ABCA5: variants seen among roughly 807,000 people sequenced by gnomAD.
ABCA5 encodes the protein ATP binding cassette subfamily A member 5.
In ABCA5, 163 loss-of-function variants were observed where a neutral mutation model predicts 206.0. That is an observed-to-expected ratio of 0.79 (90% CI 0.70 to 0.90). The LOEUF (loss-of-function observed/expected upper bound fraction) is 0.90. Ranked by LOEUF, ABCA5 falls within the 40% of genes least tolerant of loss-of-function variation. The pLI is 0.00. For missense variants in ABCA5, 1,859 were observed against 1,912.9 expected (o/e 0.97, Z 0.53); for synonymous variants, 609 against 613.8 (o/e 0.99, Z 0.11).
chr17:69,291,452 A>G (rs2075525706), intron 11 of ABCA5, 126 bp from the exon 12 acceptor site: 1 of 494,148 alleles, frequency 2.0e-6, no homozygotes, highest in African/African-American at 2.0e-5. Flanking sequence ...AGTTACCAGC[A>G]TATTTGATAG....
rs768940238 is a variant in ABCA5 at position 69,250,448 on chromosome 17, T to C, written c.4685+24A>G. 4.4e-6 allele frequency: 7 copies of C among 1,586,864 alleles called. No individual in the cohort carries two copies. In the Admixed American group the frequency reaches 9.5e-5, roughly 21 times the overall value. ...ATAACCTTTGCTCTATAAAGAAATA[T>C]AACCACATTCTTTAAAATTTTACCT... On this transcript the variant is annotated intron_variant, in intron 36 of 38. Transcript: ENST00000392676.
chr17:69,253,561 T>C lies in ABCA5; in HGVS notation c.4415+12A>G. 1.3e-6 allele frequency: 2 copies of C among 1,590,128 alleles called. No individual in the cohort carries two copies. Among genetic ancestry groups the C allele is most frequent in the Non-Finnish European group, 8.6e-7 (1 of 1,158,282 alleles). On this transcript the variant is annotated intron_variant, in intron 34 of 38. Transcript: ENST00000392676. ...AAAGTATCATGTACTGTGTCACAAG[T>C]ACCATACTCACCACATGTGCTGTTT... is the stretch of plus-strand genomic sequence containing the variant.
chr17:69,249,322 T>C (rs889641677), intron 37 of ABCA5: 7 of 152,186 alleles, frequency 4.6e-5, no homozygotes, highest in African/African-American at 1.4e-4. Context: ...GGAGGTGATC[T>C]CCCTCAACTG....
At chr17:69,267,185 T>G (rs2075219609) in intron 23 of ABCA5, among the ~76,000 whole-genome samples, 1 of 152,122 alleles carries the variant, frequency 6.6e-6, no homozygotes, top group Non-Finnish European at 1.5e-5. Context: ...TACAATTTAT[T>G]TTTTTAGAAT....
intron 7 of ABCA5, among the ~76,000 whole-genome samples, chr17:69,303,910 A>G (rs1393998113): frequency 2.8e-5 from 4 of 142,870 alleles, no homozygotes; most frequent in Non-Finnish European, 4.5e-5. Context: ...GCAAGGTGTG[A>G]TGGCACACAC....
intron 1 of ABCA5, among the ~76,000 whole-genome samples, chr17:69,321,633 A>C (rs1224686420): frequency 1.3e-5 from 2 of 152,216 alleles, no homozygotes; most frequent in Non-Finnish European, 2.9e-5. Context: ...CTGAGTTAAT[A>C]CAAGACCAAA....
At chr17:69,304,556 T>C in intron 7 of ABCA5, 113 bp downstream of exon 7, 4 of 916,980 alleles carry the variant, frequency 4.4e-6, no homozygotes, top group Admixed American at 7.5e-5. Context: ...TATCAATTAG[T>C]AAAATCTGTC....
chr17:69,259,114 TACAA>T (rs1283290817), intron 28 of ABCA5, among the ~76,000 whole-genome samples: 1 of 151,982 alleles, frequency 6.6e-6, no homozygotes, highest in Non-Finnish European at 1.5e-5. Flanking sequence ...TATATGTCCA[TACAA>T]ACAGTTGTAT....
chr17:69,286,681 AAAAATC>A (rs1291508268), intron 15 of ABCA5, among the ~76,000 whole-genome samples: 1 of 152,200 alleles, frequency 6.6e-6, no homozygotes, highest in Non-Finnish European at 1.5e-5. Flanking sequence ...AAACAACTCC[AAAAATC>A]AACAAAAGTA....
intron 23 of ABCA5, among the ~76,000 whole-genome samples, chr17:69,265,723 A>C (rs1188557941): frequency 6.6e-6 from 1 of 152,190 alleles, no homozygotes; most frequent in Non-Finnish European, 1.5e-5. Flanking sequence ...TGTTCAATGA[A>C]TTATGAGAAC....
At chr17:69,305,279 T>C (rs959762592) in intron 6 of ABCA5, among the ~76,000 whole-genome samples, 7 of 152,336 alleles carry the variant, frequency 4.6e-5, no homozygotes, top group Admixed American at 3.3e-4. Context: ...AATTACACAA[T>C]GTGAAATCAA....
At chr17:69,280,350 G>C (rs1360724587) in intron 18 of ABCA5, among the ~76,000 whole-genome samples, 1 of 152,152 alleles carries the variant, frequency 6.6e-6, no homozygotes, top group Non-Finnish European at 1.5e-5. Context: ...TCTCACACCA[G>C]TTAGAATGGC....
intron 17 of ABCA5, among the ~76,000 whole-genome samples, chr17:69,285,623 A>C (rs1309119790): frequency 6.6e-6 from 1 of 152,108 alleles, no homozygotes; most frequent in African/African-American, 2.4e-5. Context: ...TTTCTTGACA[A>C]CAAAGTAAAC....
rs777718673 is a variant in ABCA5 at position 69,296,951 on chromosome 17, C to T, written c.1436+240G>A. ...CTGTGCTCCAGGCTGGGCGACAGAG[C>T]GAGATTCTGTCTCAAAAAACAGAAA... On this transcript the variant is annotated intron_variant, in intron 10 of 38. Coordinates refer to ENST00000392676, the MANE Select transcript of ABCA5 (RefSeq NM_172232.4). Among the ~76,000 whole-genome samples, 33 of 152,072 alleles carry T rather than the reference C, an allele frequency of 2.2e-4. 1 individual carries two copies. The highest frequency in any genetic ancestry group is 1.8e-3 in the Admixed American group (27 of 15,262).
chr17:69,287,885 C>A, intron 14 of ABCA5, 134 bp from the exon 15 acceptor site: 3 of 850,188 alleles, frequency 3.5e-6, no homozygotes, highest in Middle Eastern at 3.3e-4. Context: ...CAGATTTTTT[C>A]ATTCATAATT....
intron 1 of ABCA5, among the ~76,000 whole-genome samples, chr17:69,322,363 CAAAAAAAAAA>C (rs3029978): frequency 2.3e-4 from 12 of 52,382 alleles, no homozygotes; most frequent in East Asian, 7.7e-4. Context: ...GATTCCGTCT[CAAAAAAAAAA>C]AAAAAAAAAA....
At chr17:69,295,173 T>G (rs1415628810) in intron 10 of ABCA5, among the ~76,000 whole-genome samples, 1 of 152,172 alleles carries the variant, frequency 6.6e-6, no homozygotes, top group Admixed American at 6.5e-5. Flanking sequence ...CATCATCTAT[T>G]TATAAGATGA....
chr17:69,293,286 G>A (rs1331143564), intron 11 of ABCA5, among the ~76,000 whole-genome samples: 2 of 152,064 alleles, frequency 1.3e-5, no homozygotes, highest in Non-Finnish European at 2.9e-5. Context: ...AATCTGTAGG[G>A]CAGGTTGAAA....
chr17:69,287,580 T>C (rs2075471859), intron 15 of ABCA5, 33 bp downstream of exon 15: 1 of 1,596,104 alleles, frequency 6.3e-7, no homozygotes, highest in Non-Finnish European at 8.5e-7. Flanking sequence ...TGGCCCATGA[T>C]CTCAGCCTTC....
Sources: allele counts gnomAD v4.1 joint callset (sites outside exome capture counted in the v4.1 genomes callset), GRCh38; gene constraint gnomAD v4.1.1; transcripts MANE v1.5; gene names NCBI Gene and HGNC (gene_info 2026-07-23, HGNC 2026-07-21).